ERP27: variants seen among roughly 807,000 people sequenced by gnomAD.
The protein encoded by ERP27 is endoplasmic reticulum protein 27, also known as endoplasmic reticulum resident protein 27.
ERP27 carries 23 observed loss-of-function variants against 27.7 expected under a neutral mutation model. The observed-to-expected ratio is 0.83, with a 90% CI of 0.60 to 1.18. The LOEUF is 1.18. ERP27 is among the 50% of genes most tolerant of loss of function. The pLI, the probability that ERP27 is intolerant of heterozygous loss-of-function variation, is 0.00. For missense variants in ERP27, 363 were observed against 327.9 expected (o/e 1.11, Z -0.83); for synonymous variants, 159 against 118.3 (o/e 1.34, Z -2.23).
intron 4 of ERP27, among the ~76,000 whole-genome samples, chr12:14,918,920 A>G (rs1338105446): frequency 1.3e-5 from 2 of 152,228 alleles, no homozygotes; most frequent in Non-Finnish European, 2.9e-5. Context: ...TCTAACACTG[A>G]GATGGAGGAT....
chr12:14,938,168 G>GGGCAAGAA (rs1863800403), intron 1 of ERP27, 116 bp from the exon 2 acceptor site: 1 of 865,260 alleles, frequency 1.2e-6, no homozygotes, highest in African/African-American at 1.7e-5. Context: ...ACAATTTATA[G>GGGCAAGAA]GAGTACTGTT....
intron 2 of ERP27, among the ~76,000 whole-genome samples, chr12:14,936,891 T>C (rs1269904259): frequency 3.9e-5 from 6 of 152,134 alleles, no homozygotes; most frequent in Non-Finnish European, 8.8e-5. Context: ...ATTGGCAGCA[T>C]GAGAAGAAAC....
Position 14,917,300 on chromosome 12 carries a change from C to G in ERP27, c.454G>C (p.Val152Leu). The G allele has an allele frequency of 6.2e-7, 1 of 1,614,160 alleles. No homozygotes were observed. Among genetic ancestry groups the G allele is most frequent in the Non-Finnish European group, 8.5e-7 (1 of 1,180,004 alleles). Residue 152 changes from valine to leucine, a missense_variant, in exon 5 of 7, where the codon GTG (valine) becomes CTG (leucine). Transcript: ENST00000266397. ...ATTACGCTGTTGAATAACCCAATCA[C>G]AGTCTGGCAAGTCGAAATGTGTTAC... is the stretch of plus-strand genomic sequence containing the variant. ...HMVTEYNPVT[V>L]IGLFNSVIQI... is the part of the protein sequence containing the mutation.
intron 3 of ERP27, among the ~76,000 whole-genome samples, chr12:14,926,381 T>G (rs1367674436): frequency 6.6e-6 from 1 of 152,208 alleles, no homozygotes. Context: ...GGCACATAGT[T>G]GCAATTTTCA....
intron 5 of ERP27, 146 bp downstream of exon 5, chr12:14,917,032 A>T: frequency 1.2e-6 from 1 of 861,676 alleles, no homozygotes; most frequent in Non-Finnish European, 1.8e-6. Context: ...ATTTCAAATA[A>T]TGTGATTTAT....
intron 3 of ERP27, among the ~76,000 whole-genome samples, chr12:14,921,391 A>G (rs1317976449): frequency 6.6e-6 from 1 of 152,214 alleles, no homozygotes; most frequent in African/African-American, 2.4e-5. Flanking sequence ...AGAGAACAGC[A>G]TATGAAAATA....
At chr12:14,922,399 G>T (rs1310346321) in intron 3 of ERP27, among the ~76,000 whole-genome samples, 1 of 152,026 alleles carries the variant, frequency 6.6e-6, no homozygotes, top group African/African-American at 2.4e-5. Flanking sequence ...ATAATTTAAG[G>T]ATATGAGGAC....
intron 6 of ERP27, among the ~76,000 whole-genome samples, chr12:14,915,142 G>A (rs985376508): frequency 2.0e-5 from 3 of 151,982 alleles, no homozygotes; most frequent in Non-Finnish European, 4.4e-5. Context: ...TAATAGTTAC[G>A]TTTTTATGGG....
intron 3 of ERP27, among the ~76,000 whole-genome samples, chr12:14,931,363 CAAAA>C (rs60215173): frequency 7.7e-6 from 1 of 129,464 alleles, no homozygotes. Context: ...GTTCCCTTTT[CAAAA>C]AAAAAAAAAA....
intron 3 of ERP27, among the ~76,000 whole-genome samples, chr12:14,923,440 A>AAGGG (rs1863540562): frequency 6.6e-6 from 1 of 151,458 alleles, no homozygotes; most frequent in Non-Finnish European, 1.5e-5. Flanking sequence ...TATAAAAATA[A>AAGGG]TACAATGTAA....
At chr12:14,917,757 G>C (rs928373600) in intron 4 of ERP27, among the ~76,000 whole-genome samples, 1 of 152,164 alleles carries the variant, frequency 6.6e-6, no homozygotes, top group African/African-American at 2.4e-5. Flanking sequence ...CAGATCCCCA[G>C]CTCCAGTTGA....
intron 5 of ERP27, chr12:14,915,939 G>A (rs1863404039): frequency 8.7e-6 from 3 of 345,476 alleles, no homozygotes; most frequent in Non-Finnish European, 1.6e-5. Flanking sequence ...AATATCACAT[G>A]TTCCCACTTC....
chr12:14,921,851 C>T (rs1247477972), intron 3 of ERP27, among the ~76,000 whole-genome samples: 1 of 151,890 alleles, frequency 6.6e-6, no homozygotes, highest in Non-Finnish European at 1.5e-5. Flanking sequence ...TTCCTTTATA[C>T]CTTTATAACT....
At chr12:14,936,624 G>C (rs2120631489) in intron 2 of ERP27, among the ~76,000 whole-genome samples, 1 of 152,276 alleles carries the variant, frequency 6.6e-6, no homozygotes, top group Non-Finnish European at 1.5e-5. Flanking sequence ...TGTCAAGGGT[G>C]GGACCAGGTG....
At chr12:14,924,794 A>G (rs1863572392) in intron 3 of ERP27, among the ~76,000 whole-genome samples, 1 of 152,206 alleles carries the variant, frequency 6.6e-6, no homozygotes, top group South Asian at 2.1e-4. Context: ...TCTAAGTCAC[A>G]GGATGAAATA....
intron 3 of ERP27, among the ~76,000 whole-genome samples, chr12:14,922,462 T>G (rs1277171752): frequency 1.7e-5 from 1 of 57,646 alleles, no homozygotes; most frequent in African/African-American, 7.1e-5. Context: ...TGCTTGCCTA[T>G]TTTTCTTTTG....
At chr12:14,929,192 G>C in intron 3 of ERP27, 1 of 1,304,298 alleles carries the variant, frequency 7.7e-7, no homozygotes, top group Non-Finnish European at 9.8e-7. Context: ...CCAGAACAGG[G>C]AGAACAAGAA....
rs765817956 is a variant in ERP27 at position 14,934,911 on chromosome 12, GAA to G, written c.276_277del (p.Ser93Ter). Reference sequence around the variant, plus strand: ...GATGTTGTAGTGTGTCAGAACCTCAGAATCAGTGCTGATCCCAAATGACACGC... The same window carrying G: ...GATGTTGTAGTGTGTCAGAACCTCAGTCAGTGCTGATCCCAAATGACACGC... On this transcript the variant is annotated frameshift_variant, in exon 3 of 7. Coordinates refer to ENST00000266397, the MANE Select transcript of ERP27 (RefSeq NM_152321.4). LOFTEE classifies it high-confidence loss of function. The G allele has an allele frequency of 9.0e-5, 145 of 1,614,150 alleles. No homozygotes were observed. The African/African-American group carries it at 1.8e-3, about 20-fold the overall frequency.
chr12:14,915,873 G>A, intron 5 of ERP27, 187 bp from the exon 6 acceptor site: 1 of 607,516 alleles, frequency 1.6e-6, no homozygotes, highest in South Asian at 2.2e-5. Context: ...TTGTGGGAAC[G>A]TGGATGGGGC....
Sources: gnomAD v4.1 joint callset for allele counts (sites outside exome capture counted in the v4.1 genomes callset) on GRCh38, gnomAD v4.1.1 for gene constraint, MANE v1.5 for transcripts, NCBI Gene and HGNC (gene_info 2026-07-23, HGNC 2026-07-21) for gene names.